Variants in LRRTM4 observed in about 807,000 individuals in gnomAD.
The protein encoded by LRRTM4 is leucine rich repeat transmembrane neuronal 4, also known as leucine-rich repeat transmembrane neuronal protein 4.
Under a neutral mutation model 47.6 loss-of-function variants are expected in LRRTM4, and 25 were observed. That is an observed-to-expected ratio of 0.53 (90% confidence interval 0.38 to 0.73). LRRTM4 has a LOEUF of 0.73. Ranked by LOEUF, LRRTM4 falls within the 30% of genes least tolerant of loss-of-function variation. The pLI, the probability that LRRTM4 is intolerant of heterozygous loss-of-function variation, is 0.00. For missense variants in LRRTM4, 638 were observed against 713.4 expected, an observed-to-expected ratio of 0.89 and a Z score of 1.20; for synonymous variants, 311 against 269.5, an observed-to-expected ratio of 1.15 and a Z score of -1.51.
At chr2:77,032,506 T>C (rs1678696428) in intron 3 of LRRTM4, among the ~76,000 whole-genome samples, 1 of 152,100 alleles carries the variant, frequency 6.6e-6, no homozygotes, top group African/African-American at 2.4e-5. Flanking sequence ...AGAGCAGAAA[T>C]TGGCACAAAA....
chr2:77,275,441 A>G (rs1676318752), intron 3 of LRRTM4, among the ~76,000 whole-genome samples: 1 of 152,158 alleles, frequency 6.6e-6, no homozygotes, highest in Non-Finnish European at 1.5e-5. Flanking sequence ...AGCTCAGTAA[A>G]TGTTCTTGAA....
chr2:76,787,984 ATATTT>A (rs1013503015), intron 3 of LRRTM4, among the ~76,000 whole-genome samples: 2 of 152,114 alleles, frequency 1.3e-5, no homozygotes, highest in African/African-American at 2.4e-5. Flanking sequence ...TTACTTTGAA[ATATTT>A]TATTTAACAA....
chr2:76,911,166 T>C (rs1281315694), intron 3 of LRRTM4, among the ~76,000 whole-genome samples: 1 of 152,226 alleles, frequency 6.6e-6, no homozygotes, highest in East Asian at 1.9e-4. Flanking sequence ...CTCGAAAGCA[T>C]GGAATAAGGG....
At chr2:77,424,363 T>C (rs1675024226) in intron 3 of LRRTM4, among the ~76,000 whole-genome samples, 1 of 152,216 alleles carries the variant, frequency 6.6e-6, no homozygotes, top group Admixed American at 6.5e-5. Flanking sequence ...TGGAAAGAGC[T>C]TTAGCTCTGG....
chr2:77,381,531 C>T (rs534184658), intron 3 of LRRTM4, among the ~76,000 whole-genome samples: 18 of 151,824 alleles, frequency 1.2e-4, no homozygotes, highest in Admixed American at 9.2e-4. Context: ...ATAGAACTAG[C>T]GAATAGGCAT....
At chr2:77,251,608 A>T (rs1227611954) in intron 3 of LRRTM4, among the ~76,000 whole-genome samples, 3 of 152,156 alleles carry the variant, frequency 2.0e-5, no homozygotes, top group Non-Finnish European at 4.4e-5. Context: ...AAATCTTTTG[A>T]TATCAAGTAT....
At chr2:76,752,081 TTGTAGCTCTGTCA>T (rs1465928201) in intron 3 of LRRTM4, among the ~76,000 whole-genome samples, 1 of 152,206 alleles carries the variant, frequency 6.6e-6, no homozygotes, top group Non-Finnish European at 1.5e-5. Context: ...GTTCACCGTC[TTGTAGCTCTGTCA>T]ATGGTCTTCA....
chr2:77,192,177 TTC>T (rs1045460475), intron 3 of LRRTM4, among the ~76,000 whole-genome samples: 5 of 152,092 alleles, frequency 3.3e-5, no homozygotes, highest in African/African-American at 1.2e-4. Flanking sequence ...AATAAAGGCA[TTC>T]TGTTTAAAAC....
intron 3 of LRRTM4, among the ~76,000 whole-genome samples, chr2:77,150,127 G>A (rs1037137989): frequency 3.3e-5 from 5 of 151,604 alleles, no homozygotes; most frequent in South Asian, 2.1e-4. Context: ...AGCAGAGGTC[G>A]GTTGTTAGGT....
chr2:77,425,192 T>C (rs1343283660), intron 3 of LRRTM4, among the ~76,000 whole-genome samples: 1 of 152,198 alleles, frequency 6.6e-6, no homozygotes, highest in Non-Finnish European at 1.5e-5. Context: ...ATCTGAAAAT[T>C]AAGGACCAAG....
chr2:76,873,432 TTATA>T (rs1364881021), intron 3 of LRRTM4, among the ~76,000 whole-genome samples: 3 of 149,172 alleles, frequency 2.0e-5, no homozygotes, highest in East Asian at 3.9e-4. Context: ...TATGTATACA[TTATA>T]TAGTCTGTGT....
chr2:77,044,203 C>T (rs1013444544), intron 3 of LRRTM4, among the ~76,000 whole-genome samples: 1 of 151,698 alleles, frequency 6.6e-6, no homozygotes, highest in African/African-American at 2.4e-5. Context: ...ACCTACTGTC[C>T]TTCATACCTG....
At chr2:77,475,112 G>A (rs1677336403) in intron 3 of LRRTM4, among the ~76,000 whole-genome samples, 2 of 152,026 alleles carry the variant, frequency 1.3e-5, no homozygotes, top group African/African-American at 4.8e-5. Flanking sequence ...TGTATGTTGA[G>A]GGGAAATGTT....
chr2:77,141,245 G>C (rs1672113058), intron 3 of LRRTM4, among the ~76,000 whole-genome samples: 1 of 152,096 alleles, frequency 6.6e-6, no homozygotes, highest in East Asian at 1.9e-4. Flanking sequence ...GTGATAGACT[G>C]GATTAAGAAA....
At chr2:76,948,102 G>A (rs547746049) in intron 3 of LRRTM4, among the ~76,000 whole-genome samples, 2 of 151,938 alleles carry the variant, frequency 1.3e-5, no homozygotes, top group South Asian at 2.1e-4. Flanking sequence ...AAATAGTATC[G>A]TATCTACGAG....
chr2:77,051,041 A>G (rs1272192723), intron 3 of LRRTM4, among the ~76,000 whole-genome samples: 1 of 151,230 alleles, frequency 6.6e-6, no homozygotes, highest in East Asian at 1.9e-4. Context: ...AATAGATAAC[A>G]CTAAGCCTTA....
chr2:76,897,627 C>A (rs949631867), intron 3 of LRRTM4, among the ~76,000 whole-genome samples: 1 of 152,126 alleles, frequency 6.6e-6, no homozygotes, highest in Non-Finnish European at 1.5e-5. Flanking sequence ...TAGCTGTTGT[C>A]ATGCCTATAT....
intron 3 of LRRTM4, among the ~76,000 whole-genome samples, chr2:77,314,507 A>G (rs1677562064): frequency 6.6e-6 from 1 of 152,188 alleles, no homozygotes; most frequent in South Asian, 2.1e-4. Flanking sequence ...CTTTTCAATC[A>G]GCTATTTTCA....
Position 77,005,702 on chromosome 2 carries a change from T to C in LRRTM4, c.1552-256786A>G, listed in dbSNP as rs115272258. On this transcript the variant is annotated intron_variant, in intron 3 of 3. Transcript: ENST00000409884. Reference sequence around the variant, plus strand: ...GCACATGCCCTCTTGCCTGATACCATGTAAGACATGACTTTGCTGCTCATT... The same window carrying C: ...GCACATGCCCTCTTGCCTGATACCACGTAAGACATGACTTTGCTGCTCATT... Among the ~76,000 whole-genome samples the C allele has an allele frequency of 5.9e-3, 905 of 152,282 alleles. 11 individuals carry two copies. The highest frequency in any genetic ancestry group is 0.021 in the African/African-American group (871 of 41,584).
Sources: gnomAD v4.1 joint callset for allele counts (sites outside exome capture counted in the v4.1 genomes callset) on GRCh38, gnomAD v4.1.1 for gene constraint, MANE v1.5 for transcripts, NCBI Gene and HGNC (gene_info 2026-07-23, HGNC 2026-07-21) for gene names.